Variants in SIPA1L2 observed in about 807,000 individuals in gnomAD.
SIPA1L2 encodes the protein signal induced proliferation associated 1 like 2.
A neutral mutation model predicts 163.9 loss-of-function variants in SIPA1L2; 56 were observed. The ratio of observed to expected loss-of-function variants is 0.34; its 90% confidence interval spans 0.28 to 0.43. The LOEUF is 0.43. Ranked by LOEUF, SIPA1L2 falls within the 20% of genes least tolerant of loss-of-function variation. The pLI is 1.00. For missense variants in SIPA1L2, 1,974 were observed against 2,193.5 expected, an observed-to-expected ratio of 0.90 and a Z score of 2.00; for synonymous variants, 877 against 865.7, an observed-to-expected ratio of 1.01 and a Z score of -0.23.
In SIPA1L2 at chr1:232,552,713, A is replaced by G. The variant is rs1021068209; in HGVS notation, c.-270+21461T>C. Among the ~76,000 whole-genome samples the G allele has an allele frequency of 1.1e-4, 16 of 152,336 alleles. No individual in the cohort carries two copies. The South Asian group carries it at 2.9e-3, about 28-fold the overall frequency. On this transcript the variant is annotated intron_variant, in intron 2 of 22. Transcript: ENST00000674635. ...CAAAGAATGCTTAAGTGAATGGATT[A>G]TATCTAGCAAATATAGTATAAGAGA...
chr1:232,441,701 G>A, intron 13 of SIPA1L2, 67 bp downstream of exon 13: 1 of 1,283,952 alleles, frequency 7.8e-7, no homozygotes. Context: ...GAAGTGATGG[G>A]AGAGGAGGGG....
intron 10 of SIPA1L2, among the ~76,000 whole-genome samples, chr1:232,460,084 T>C (rs915583786): frequency 6.6e-6 from 1 of 152,128 alleles, no homozygotes; most frequent in African/African-American, 2.4e-5. Flanking sequence ...GGAATGAAGA[T>C]AGAGGGAAGG....
Position 232,435,498 on chromosome 1 carries a change from T to G in SIPA1L2, c.4032-3027A>C, listed in dbSNP as rs372071975. 7.2e-5 allele frequency among the ~76,000 whole-genome samples: 11 copies of G among 152,340 alleles called. No individual in the cohort carries two copies. The South Asian group carries it at 2.3e-3, about 32-fold the overall frequency. On this transcript the variant is annotated intron_variant, in intron 15 of 22. Coordinates refer to ENST00000674635, the MANE Select transcript of SIPA1L2 (RefSeq NM_020808.5). ...TTTCATGAATTCTTTCCTTCTGGACTAATGCTCTTCTTTCGGAGTTATACT... is the reference window on the plus strand; with the variant it reads ...TTTCATGAATTCTTTCCTTCTGGACGAATGCTCTTCTTTCGGAGTTATACT...
At chr1:232,452,848 G>T (rs1228725834) in intron 10 of SIPA1L2, among the ~76,000 whole-genome samples, 2 of 152,158 alleles carry the variant, frequency 1.3e-5, no homozygotes, top group Non-Finnish European at 2.9e-5. Flanking sequence ...CTTGAAAACA[G>T]AATAGTAACA....
intron 19 of SIPA1L2, among the ~76,000 whole-genome samples, chr1:232,414,501 A>G (rs1254648256): frequency 6.6e-6 from 1 of 152,180 alleles, no homozygotes; most frequent in Non-Finnish European, 1.5e-5. Flanking sequence ...CTGTGCTAGC[A>G]GAGACTGAGA....
At chr1:232,614,150 C>T (rs978524104) in intron 1 of SIPA1L2, among the ~76,000 whole-genome samples, 1 of 152,142 alleles carries the variant, frequency 6.6e-6, no homozygotes, top group Non-Finnish European at 1.5e-5. Flanking sequence ...TAGGCTCACA[C>T]TCCACACAGG....
intron 10 of SIPA1L2, among the ~76,000 whole-genome samples, chr1:232,455,478 G>A (rs954329890): frequency 2.0e-5 from 3 of 152,040 alleles, no homozygotes; most frequent in Non-Finnish European, 4.4e-5. Flanking sequence ...TCAGGAGATC[G>A]AGACCATCCT....
At chr1:232,415,432 C>A in intron 19 of SIPA1L2, 62 bp downstream of exon 19, 2 of 1,525,694 alleles carry the variant, frequency 1.3e-6, no homozygotes. Flanking sequence ...AGATGCCGCA[C>A]AGGCCCTGCA....
intron 2 of SIPA1L2, among the ~76,000 whole-genome samples, chr1:232,550,249 A>C (rs1250553268): frequency 6.6e-6 from 1 of 152,240 alleles, no homozygotes; most frequent in Non-Finnish European, 1.5e-5. Context: ...TAAGTAATCA[A>C]GATCTAGGGC....
At chr1:232,437,646 G>C (rs2102850924) in intron 15 of SIPA1L2, among the ~76,000 whole-genome samples, 1 of 152,206 alleles carries the variant, frequency 6.6e-6, no homozygotes, top group South Asian at 2.1e-4. Flanking sequence ...GACAGGGACT[G>C]ACCCCCAGCC....
chr1:232,595,316 A>G (rs1277548011), intron 1 of SIPA1L2, among the ~76,000 whole-genome samples: 1 of 151,908 alleles, frequency 6.6e-6, no homozygotes, highest in Non-Finnish European at 1.5e-5. Context: ...GAAGGCCTTC[A>G]CTCTAATAAA....
chr1:232,584,740 C>A (rs1660565658), intron 1 of SIPA1L2, among the ~76,000 whole-genome samples: 1 of 152,186 alleles, frequency 6.6e-6, no homozygotes. Flanking sequence ...CTTCTTAAAT[C>A]ATACTTAAAT....
At chr1:232,566,836 G>T (rs1369237879) in intron 2 of SIPA1L2, among the ~76,000 whole-genome samples, 1 of 152,134 alleles carries the variant, frequency 6.6e-6, no homozygotes, top group Admixed American at 6.5e-5. Context: ...TGCAGTAATT[G>T]TTTCCTATTA....
At chr1:232,565,004 C>A (rs1332358110) in intron 2 of SIPA1L2, among the ~76,000 whole-genome samples, 1 of 152,140 alleles carries the variant, frequency 6.6e-6, no homozygotes, top group Non-Finnish European at 1.5e-5. Context: ...CACCATGGCA[C>A]ATGTATACCT....
chr1:232,596,662 C>CT (rs1354305686), intron 1 of SIPA1L2, among the ~76,000 whole-genome samples: 1 of 152,160 alleles, frequency 6.6e-6, no homozygotes, highest in Non-Finnish European at 1.5e-5. Context: ...AATAAATACT[C>CT]TATTAAATTT....
chr1:232,550,461 T>C (rs1049886163), intron 2 of SIPA1L2, among the ~76,000 whole-genome samples: 4 of 152,226 alleles, frequency 2.6e-5, no homozygotes, highest in Non-Finnish European at 5.9e-5. Flanking sequence ...GCCACCTTCA[T>C]TTATATAAGA....
chr1:232,406,585 G>A (rs949409825), intron 19 of SIPA1L2, among the ~76,000 whole-genome samples: 1 of 152,198 alleles, frequency 6.6e-6, no homozygotes, highest in Admixed American at 6.5e-5. Flanking sequence ...AGGAACATAA[G>A]GCCAAGGCTG....
At chr1:232,614,565 GA>G (rs1662408720) in intron 1 of SIPA1L2, among the ~76,000 whole-genome samples, 1 of 152,166 alleles carries the variant, frequency 6.6e-6, no homozygotes, top group South Asian at 2.1e-4. Flanking sequence ...CAAATCAAAT[GA>G]AAGGCTCAAG....
intron 2 of SIPA1L2, among the ~76,000 whole-genome samples, chr1:232,533,870 T>C (rs1171154534): frequency 2.0e-5 from 3 of 152,196 alleles, no homozygotes; most frequent in Non-Finnish European, 4.4e-5. Flanking sequence ...AGGTATACTC[T>C]TGCCAACAGG....
Sources: allele counts gnomAD v4.1 joint callset (sites outside exome capture counted in the v4.1 genomes callset), GRCh38; gene constraint gnomAD v4.1.1; transcripts MANE v1.5; gene names NCBI Gene and HGNC (gene_info 2026-07-23, HGNC 2026-07-21).